Variants in FAF1 observed in about 807,000 individuals in gnomAD.
The protein encoded by FAF1 is FAS-associated factor 1.
FAF1 carries 25 observed loss-of-function variants against 92.5 expected under a neutral mutation model. The ratio of observed to expected loss-of-function variants is 0.27; its 90% CI spans 0.20 to 0.38. The LOEUF (loss-of-function observed/expected upper bound fraction) is 0.38, where lower values mean the gene tolerates loss of function less well. Among genes scored for constraint, FAF1 ranks in the 10% least tolerant of loss-of-function variants. FAF1 has a pLI of 1.00. For missense variants in FAF1, 636 were observed against 793.3 expected (o/e 0.80, Z 2.38); for synonymous variants, 234 against 273.2 (o/e 0.86, Z 1.42).
chr1:50,545,385 C>G (rs1319278469), intron 13 of FAF1, among the ~76,000 whole-genome samples: 1 of 152,080 alleles, frequency 6.6e-6, no homozygotes, highest in Non-Finnish European at 1.5e-5. Context: ...TCTCCTGCCT[C>G]AGCCTCCCAA....
chr1:50,654,096 T>C lies in FAF1; in HGVS notation c.744+1346A>G, dbSNP rs540352773. Among the ~76,000 whole-genome samples the C allele has an allele frequency of 7.9e-5, 12 of 152,330 alleles. No individual in the cohort carries two copies. In the South Asian group the frequency reaches 1.9e-3, roughly 24 times the overall value. On this transcript the variant is annotated intron_variant, in intron 8 of 18. Coordinates refer to ENST00000396153, the MANE Select transcript of FAF1 (RefSeq NM_007051.3). ...AGATTCAAGTAGCATCTACATAAAT[T>C]GTCTTAAAACTTTTCTGTCTTCCAC...
chr1:50,641,060 T>C (rs1031867120), intron 8 of FAF1, among the ~76,000 whole-genome samples: 8 of 152,050 alleles, frequency 5.3e-5, no homozygotes, highest in Middle Eastern at 3.4e-3. Flanking sequence ...TCTCGATCTC[T>C]TGACCTCATG....
At chr1:50,613,241 C>G (rs528972241) in intron 8 of FAF1, among the ~76,000 whole-genome samples, 5 of 152,310 alleles carry the variant, frequency 3.3e-5, no homozygotes, top group Admixed American at 3.3e-4. Flanking sequence ...TGATTGACAT[C>G]TGGGCCTCAG....
At chr1:50,695,005 C>T (rs1459736261) in intron 7 of FAF1, among the ~76,000 whole-genome samples, 4 of 152,054 alleles carry the variant, frequency 2.6e-5, no homozygotes, top group Admixed American at 2.6e-4. Flanking sequence ...TTCTAACTGT[C>T]AGCAAAATAG....
chr1:50,762,325 A>C, intron 4 of FAF1, among the ~76,000 whole-genome samples: 1 of 152,318 alleles, frequency 6.6e-6, no homozygotes, highest in East Asian at 1.9e-4. Flanking sequence ...TCTTCACAGA[A>C]TTGGAAAAAA....
At chr1:50,668,543 C>T (rs1437929549) in intron 7 of FAF1, among the ~76,000 whole-genome samples, 1 of 152,148 alleles carries the variant, frequency 6.6e-6, no homozygotes, top group South Asian at 2.1e-4. Flanking sequence ...AAATTACACA[C>T]CTAGTTAAGT....
intron 6 of FAF1, among the ~76,000 whole-genome samples, chr1:50,724,561 T>C (rs1179015699): frequency 6.6e-6 from 1 of 152,212 alleles, no homozygotes; most frequent in Admixed American, 6.5e-5. Flanking sequence ...TTTCTCAGGC[T>C]TCTGCCTCTG....
At chr1:50,625,358 T>C (rs942957585) in intron 8 of FAF1, among the ~76,000 whole-genome samples, 1 of 152,238 alleles carries the variant, frequency 6.6e-6, no homozygotes, top group Non-Finnish European at 1.5e-5. Context: ...ATCTACTATG[T>C]ACCTAAGGAT....
intron 4 of FAF1, among the ~76,000 whole-genome samples, chr1:50,776,210 T>A (rs1466741611): frequency 6.6e-6 from 1 of 152,220 alleles, no homozygotes; most frequent in African/African-American, 2.4e-5. Flanking sequence ...AGCTAACTTA[T>A]GCTCAAGTAT....
chr1:50,766,362 T>C (rs1660571297), intron 4 of FAF1, among the ~76,000 whole-genome samples: 1 of 152,242 alleles, frequency 6.6e-6, no homozygotes. Flanking sequence ...ATGAAAGTTA[T>C]TGCTTTGAGC....
At chr1:50,921,096 C>T (rs2124732720) in intron 1 of FAF1, among the ~76,000 whole-genome samples, 2 of 152,278 alleles carry the variant, frequency 1.3e-5, no homozygotes, top group Middle Eastern at 6.8e-3. Flanking sequence ...ATGACAAAAG[C>T]CCACTGTGTC....
intron 6 of FAF1, among the ~76,000 whole-genome samples, chr1:50,728,468 T>C (rs112834625): frequency 2.0e-5 from 3 of 152,114 alleles, no homozygotes; most frequent in Non-Finnish European, 4.4e-5. Context: ...AGTAAGGAAC[T>C]TGGATTTTTA....
intron 1 of FAF1, among the ~76,000 whole-genome samples, chr1:50,868,426 T>A (rs2124677546): frequency 6.6e-6 from 1 of 152,328 alleles, no homozygotes. Flanking sequence ...TCTGGATTCA[T>A]CTTTATTATT....
In FAF1 at chr1:50,703,297, C is replaced by T. The variant is rs57092469; in HGVS notation, c.657+2489G>A. Among the ~76,000 whole-genome samples, 987 of 152,152 alleles carry T rather than the reference C, an allele frequency of 6.5e-3. 20 individuals are homozygous for T. The highest frequency in any genetic ancestry group is 0.023 in the African/African-American group (942 of 41,510). ...CAATCAAACTAACTTTCCAATCATGCAACAAGAAAAAATGTACATACTTAA... is the reference window on the plus strand; with the variant it reads ...CAATCAAACTAACTTTCCAATCATGTAACAAGAAAAAATGTACATACTTAA... On this transcript the variant is annotated intron_variant, in intron 7 of 18. Coordinates refer to ENST00000396153, the MANE Select transcript of FAF1 (RefSeq NM_007051.3).
At position 50,437,107 on chromosome 1, in the gene FAF1, T is replaced by C. The variant is rs1225728002; in HGVS notation, c.*4333A>G. The C allele has an allele frequency of 1.3e-5, 2 of 152,240 alleles. No individual in the cohort carries two copies. Among genetic ancestry groups the C allele is most frequent in the Non-Finnish European group, 2.9e-5 (2 of 68,044 alleles). 9.4% of individuals were successfully genotyped at this position (152,240 alleles called of 1,614,324 possible). A position where few individuals can be genotyped will look rare whatever the true frequency, so the allele number is the denominator to read the frequency against. ...CAACAGTGAGGAGCTGTGTGGCCAG[T>C]TGGGGTTAAGTGTCACCTTCCAAAG... On this transcript the variant is annotated 3_prime_UTR_variant, in exon 19 of 19. Transcript: ENST00000396153.
intron 4 of FAF1, among the ~76,000 whole-genome samples, chr1:50,784,094 A>G (rs1661277511): frequency 2.6e-5 from 4 of 152,226 alleles, no homozygotes; most frequent in African/African-American, 9.6e-5. Context: ...TTCAAGGGTT[A>G]AGAACTAAAA....
At chr1:50,491,376 G>T (rs2149009277) in intron 16 of FAF1, among the ~76,000 whole-genome samples, 1 of 152,282 alleles carries the variant, frequency 6.6e-6, no homozygotes, top group East Asian at 1.9e-4. Flanking sequence ...ACAGAAGCAG[G>T]TGCTTAAGTA....
intron 6 of FAF1, among the ~76,000 whole-genome samples, chr1:50,730,053 C>T (rs566508446): frequency 2.4e-4 from 36 of 152,072 alleles, no homozygotes; most frequent in Middle Eastern, 6.8e-3. Context: ...ATAATTTGTT[C>T]CATGAAAATT....
At chr1:50,834,699 T>C (rs916960598) in intron 2 of FAF1, among the ~76,000 whole-genome samples, 3 of 152,178 alleles carry the variant, frequency 2.0e-5, no homozygotes, top group African/African-American at 7.2e-5. Context: ...TTAGCCTCCC[T>C]AAGGAAAAGT....
Sources: allele counts gnomAD v4.1 joint callset (sites outside exome capture counted in the v4.1 genomes callset), GRCh38; gene constraint gnomAD v4.1.1; transcripts MANE v1.5; gene names NCBI Gene and HGNC (gene_info 2026-07-23, HGNC 2026-07-21).